Variants in PMFBP1 observed in about 807,000 individuals in gnomAD.
The protein encoded by PMFBP1 is polyamine-modulated factor 1-binding protein 1.
In PMFBP1, 131 loss-of-function variants were observed where a neutral mutation model predicts 137.8. That is an observed-to-expected ratio of 0.95 (90% CI 0.82 to 1.10). PMFBP1 has a LOEUF of 1.10. Among genes scored for constraint, PMFBP1 ranks in the 50% least tolerant of loss-of-function variants. The pLI is 0.00. For missense variants in PMFBP1, 1,199 were observed against 1,175.4 expected (o/e 1.02, Z -0.29); for synonymous variants, 490 against 450.4 (o/e 1.09, Z -1.11).
the PMFBP1 span, among the ~76,000 whole-genome samples, chr16:72,192,528 T>A: frequency 6.6e-6 from 1 of 152,196 alleles, no homozygotes; most frequent in Non-Finnish European, 1.5e-5. Flanking sequence ...GGCCAAGCAT[T>A]ACCCCTTACA....
chr16:72,198,406 C>T, the PMFBP1 span, among the ~76,000 whole-genome samples: 1 of 152,170 alleles, frequency 6.6e-6, no homozygotes, highest in African/African-American at 2.4e-5. Flanking sequence ...CTGTTCAGCA[C>T]CAATATTCAG....
At chr16:72,185,702 C>T in the PMFBP1 span, among the ~76,000 whole-genome samples, 1 of 152,108 alleles carries the variant, frequency 6.6e-6, no homozygotes, top group African/African-American at 2.4e-5. Flanking sequence ...TTTTTGTTCA[C>T]CATCTTATCT....
chr16:72,172,232 T>C (rs1415029591), upstream of PMFBP1: 2 of 152,044 alleles, frequency 1.3e-5, no homozygotes, highest in Non-Finnish European at 2.9e-5. Flanking sequence ...GAAGTCTTCA[T>C]GCACAGAGGT....
chr16:72,228,910 A>G, the PMFBP1 span, among the ~76,000 whole-genome samples: 1 of 151,380 alleles, frequency 6.6e-6, no homozygotes, highest in East Asian at 1.9e-4. Flanking sequence ...TTACATGAGT[A>G]AACTGGGTGG....
chr16:72,124,731 C>T, intron 17 of PMFBP1, 36 bp downstream of exon 17: 9 of 1,601,190 alleles, frequency 5.6e-6, no homozygotes, highest in Non-Finnish European at 7.7e-6. Context: ...CCTGGAGGCA[C>T]TGAGAGGAGG....
intron 11 of PMFBP1, 59 bp downstream of exon 11, chr16:72,130,474 G>A: frequency 1.2e-6 from 2 of 1,608,228 alleles, no homozygotes; most frequent in Non-Finnish European, 1.7e-6. Context: ...CCCACAGAGG[G>A]CCCGGCTGGG....
intron 15 of PMFBP1, 50 bp downstream of exon 15, chr16:72,125,918 A>ACGTTT: frequency 6.9e-6 from 11 of 1,590,554 alleles, no homozygotes; most frequent in Non-Finnish European, 9.4e-6. Flanking sequence ...CGCTACCTTG[A>ACGTTT]CGTTTCCTTG....
At chr16:72,188,553 T>C in the PMFBP1 span, among the ~76,000 whole-genome samples, 1 of 152,216 alleles carries the variant, frequency 6.6e-6, no homozygotes, top group Non-Finnish European at 1.5e-5. Context: ...ATGCTTTACA[T>C]ATGAAGCTCA....
chr16:72,194,149 T>C, the PMFBP1 span, among the ~76,000 whole-genome samples: 4 of 152,220 alleles, frequency 2.6e-5, no homozygotes, highest in Non-Finnish European at 5.9e-5. Context: ...GATTTACATA[T>C]TGTACCATGT....
chr16:72,174,686 C>T (rs2043250987), upstream of PMFBP1, among the ~76,000 whole-genome samples: 1 of 152,212 alleles, frequency 6.6e-6, no homozygotes, highest in Non-Finnish European at 1.5e-5. Flanking sequence ...CAGACAGCAC[C>T]TCTTCACAAG....
chr16:72,220,432 A>G, the PMFBP1 span, among the ~76,000 whole-genome samples: 30 of 152,372 alleles, frequency 2.0e-4, 1 homozygote, highest in South Asian at 5.6e-3. Context: ...GCAAATGCAT[A>G]AAATAAAAAC....
upstream of PMFBP1, among the ~76,000 whole-genome samples, chr16:72,176,635 C>T (rs1295519520): frequency 6.6e-6 from 1 of 152,234 alleles, no homozygotes; most frequent in Non-Finnish European, 1.5e-5. Context: ...CCATCTGGAA[C>T]ATGAGGCCTT....
intron 4 of PMFBP1, among the ~76,000 whole-genome samples, chr16:72,152,824 G>A (rs973629482): frequency 4.5e-5 from 6 of 134,334 alleles, no homozygotes; most frequent in Non-Finnish European, 9.2e-5. Context: ...CAGCCTGGGC[G>A]ACAGATTGAG....
the PMFBP1 span, among the ~76,000 whole-genome samples, chr16:72,238,983 A>C: frequency 1.3e-5 from 2 of 152,162 alleles, no homozygotes; most frequent in Non-Finnish European, 2.9e-5. Context: ...CAATTCTATG[A>C]AGAGGGTGCT....
At chr16:72,117,443 A>G (rs1269541092), downstream of PMFBP1, among the ~76,000 whole-genome samples, 2 of 152,118 alleles carry the variant, frequency 1.3e-5, no homozygotes, top group South Asian at 2.1e-4. Context: ...GGTTTTTTAC[A>G]TATAAGATCT....
At chr16:72,225,093 G>A in the PMFBP1 span, 4 of 152,250 alleles carry the variant, frequency 2.6e-5, no homozygotes, top group African/African-American at 7.2e-5. Flanking sequence ...GAGCTAAGGC[G>A]ACCTCCCCAA....
chr16:72,225,709 T>TATTATA, the PMFBP1 span, among the ~76,000 whole-genome samples: 22,512 of 109,140 alleles, frequency 0.21, 1,945 homozygotes, highest in Non-Finnish European at 0.24. Context: ...TGAGACTGTT[T>TATTATA]ATAATAATAA....
intron 5 of PMFBP1, among the ~76,000 whole-genome samples, chr16:72,148,753 T>C (rs2042853697): frequency 6.6e-6 from 1 of 152,212 alleles, no homozygotes; most frequent in African/African-American, 2.4e-5. Context: ...AATATGCTTA[T>C]GAATAGTGCT....
At chr16:72,166,383 G>A (rs952277612) in intron 2 of PMFBP1, among the ~76,000 whole-genome samples, 1 of 152,162 alleles carries the variant, frequency 6.6e-6, no homozygotes, top group Non-Finnish European at 1.5e-5. Context: ...ATGATTGTAA[G>A]TTTCCTTAGG....
Sources: allele counts gnomAD v4.1 joint callset (sites outside exome capture counted in the v4.1 genomes callset), GRCh38; gene constraint gnomAD v4.1.1; transcripts MANE v1.5; gene names NCBI Gene and HGNC (gene_info 2026-07-23, HGNC 2026-07-21).